CATSPERE: variants seen among roughly 807,000 people sequenced by gnomAD.
CATSPERE encodes the protein catsper channel auxiliary subunit epsilon, also known as cation channel sperm-associated auxiliary subunit epsilon.
A neutral mutation model predicts 114.1 loss-of-function variants in CATSPERE; 93 were observed. The observed-to-expected ratio is 0.81, with a 90% CI of 0.69 to 0.97. CATSPERE has a LOEUF of 0.97. CATSPERE is among the 50% of genes least tolerant of loss of function. The pLI, the probability that CATSPERE is intolerant of heterozygous loss-of-function variation, is 0.00. For missense variants in CATSPERE, 1,058 were observed against 1,131.6 expected, an observed-to-expected ratio of 0.93 and a Z score of 0.93; for synonymous variants, 341 against 384.1, an observed-to-expected ratio of 0.89 and a Z score of 1.31.
chr1:244,507,047 C>T (rs1255122295), intron 7 of CATSPERE, among the ~76,000 whole-genome samples: 2 of 152,136 alleles, frequency 1.3e-5, no homozygotes, highest in African/African-American at 2.4e-5. Flanking sequence ...AAATAATAGC[C>T]TCCAGTTCCA....
upstream of CATSPERE, among the ~76,000 whole-genome samples, chr1:244,458,424 A>G (rs1302045601): frequency 6.6e-6 from 1 of 151,916 alleles, no homozygotes; most frequent in East Asian, 1.9e-4. Flanking sequence ...ATCCACAGAC[A>G]TTTTGTCTTG....
chr1:244,476,959 T>C (rs1669453149), intron 2 of CATSPERE, among the ~76,000 whole-genome samples: 1 of 152,088 alleles, frequency 6.6e-6, no homozygotes, highest in Admixed American at 6.6e-5. Flanking sequence ...CCTACCAGAG[T>C]GTCAGTCCCT....
At chr1:244,526,637 G>A (rs1029780495) in intron 8 of CATSPERE, among the ~76,000 whole-genome samples, 2 of 149,456 alleles carry the variant, frequency 1.3e-5, no homozygotes, top group African/African-American at 5.0e-5. Context: ...CAATAGATTG[G>A]CTTAGTCTTT....
upstream of CATSPERE, among the ~76,000 whole-genome samples, chr1:244,458,370 T>C (rs1281609777): frequency 6.6e-6 from 1 of 151,962 alleles, no homozygotes; most frequent in East Asian, 1.9e-4. Flanking sequence ...GTAACCAAAA[T>C]TCCTAGTCAA....
rs138035524 is a variant in CATSPERE at position 244,560,800 on chromosome 1, A to C, written c.1162A>C (p.Thr388Pro). 9.3e-6 allele frequency: 15 copies of C among 1,613,840 alleles called. No individual in the cohort carries two copies. In the African/African-American group the frequency reaches 1.9e-4, roughly 20 times the overall value. ...CATCCTAAGTCTATCGGTGACTGCTACTCTGACCATAGACAGGGTTGAGTA... is the reference window on the plus strand; with the variant it reads ...CATCCTAAGTCTATCGGTGACTGCTCCTCTGACCATAGACAGGGTTGAGTA... Reference protein sequence around the residue: ...KNILSLSVTATLTIDRVEYTG... With the variant: ...KNILSLSVTAPLTIDRVEYTG... The change falls in exon 10 of 22, where the codon ACT becomes CCT. Residue 388 changes from threonine (T) to proline (P), a missense_variant. Thr to Pro is a conservative substitution (Grantham distance 38, BLOSUM62 -1). This residue lies in a region of CATSPERE where 787 missense variants were observed against 905.6 expected (regional missense o/e 0.87). Transcript: ENST00000366534.
At chr1:244,565,347 G>A (rs55927441) in intron 10 of CATSPERE, among the ~76,000 whole-genome samples, 16,078 of 152,140 alleles carry the variant, frequency 0.11, 923 homozygotes, top group South Asian at 0.15. Flanking sequence ...TTGTACCTCC[G>A]GTAGAATTTG....
At position 244,536,938 on chromosome 1, in the gene CATSPERE, T is replaced by G. The variant is rs1056394163; in HGVS notation, c.537-15384T>G. Among the ~76,000 whole-genome samples the G allele has an allele frequency of 2.2e-3, 10 of 4,622 alleles. No individual in the cohort carries two copies. In the Non-Finnish European group the frequency reaches 0.025, roughly 11 times the overall value. 3.0% of individuals were successfully genotyped at this position (4,622 alleles called of 152,430 possible). On this transcript the variant is annotated intron_variant, in intron 8 of 21. Transcript: ENST00000366534. ...ATAATTTTTATTAGTTCCAGGAGTT[T>G]TTTTTTTTTCTGTTCTTTAAGATTT...
At chr1:244,593,876 C>G (rs539176486) in intron 17 of CATSPERE, among the ~76,000 whole-genome samples, 2 of 152,296 alleles carry the variant, frequency 1.3e-5, no homozygotes, top group South Asian at 2.1e-4. Context: ...ACCAGCACCC[C>G]TGCCTATTTG....
intron 1 of CATSPERE, among the ~76,000 whole-genome samples, chr1:244,461,842 C>G (rs1666865826): frequency 6.6e-6 from 1 of 152,234 alleles, no homozygotes; most frequent in South Asian, 2.1e-4. Context: ...GAGACGGCCT[C>G]TTGCTCCGTT....
Position 244,615,295 on chromosome 1 carries a change from C to T in CATSPERE, c.2491-2234C>T, listed in dbSNP as rs116791848. ...CAAACATTGCTCTCAGGAACAGGTG[C>T]TACTGGAATTCTTTAATTAAAGTTA... On this transcript the variant is annotated intron_variant, in intron 19 of 21. Coordinates refer to ENST00000366534, the MANE Select transcript of CATSPERE (RefSeq NM_001130957.2). Among the ~76,000 whole-genome samples, 1,288 of 149,180 alleles carry T rather than the reference C, an allele frequency of 8.6e-3. 23 individuals are homozygous for T. The highest frequency in any genetic ancestry group is 0.027 in the African/African-American group (1,088 of 40,636).
At chr1:244,584,032 T>G in intron 13 of CATSPERE, 93 bp downstream of exon 13, 1 of 893,678 alleles carries the variant, frequency 1.1e-6, no homozygotes, top group Non-Finnish European at 1.8e-6. Flanking sequence ...GTACAATACC[T>G]CCATGCAATA....
At chr1:244,527,998 G>T (rs962026258) in intron 8 of CATSPERE, among the ~76,000 whole-genome samples, 1 of 152,184 alleles carries the variant, frequency 6.6e-6, no homozygotes, top group Non-Finnish European at 1.5e-5. Context: ...GATACAGCAA[G>T]TGTGTTACAT....
chr1:244,566,652 CTTTTTTTTTTTTTT>C (rs59466928), intron 10 of CATSPERE, among the ~76,000 whole-genome samples: 10 of 49,118 alleles, frequency 2.0e-4, no homozygotes, highest in South Asian at 6.6e-4. Flanking sequence ...GCAACCCCTG[CTTTTTTTTTTTTTT>C]TTTTTTTTTT....
intron 7 of CATSPERE, among the ~76,000 whole-genome samples, chr1:244,510,152 G>A (rs1441043069): frequency 6.6e-6 from 1 of 151,900 alleles, no homozygotes; most frequent in Non-Finnish European, 1.5e-5. Context: ...GGTTCCTTGA[G>A]GTGCATTAGG....
chr1:244,560,641 T>G, intron 9 of CATSPERE, 27 bp from the exon 10 acceptor site: 2 of 1,321,084 alleles, frequency 1.5e-6, no homozygotes, highest in Non-Finnish European at 2.0e-6. Context: ...TCGAAGATCT[T>G]TCTCATCATT....
chr1:244,583,686 A>T (rs1666582971), intron 12 of CATSPERE, among the ~76,000 whole-genome samples, 178 bp from the exon 13 acceptor site: 1 of 152,336 alleles, frequency 6.6e-6, no homozygotes, highest in African/African-American at 2.4e-5. Flanking sequence ...TAGCATGCAG[A>T]GCTGTCTTAG....
At chr1:244,457,577 AT>A (rs940291702), upstream of CATSPERE, 89 of 152,290 alleles carry the variant, frequency 5.8e-4, no homozygotes, top group African/African-American at 1.9e-3. Flanking sequence ...AAGGTAAGTC[AT>A]CTGTATCACA....
At position 244,498,809 on chromosome 1, in the gene CATSPERE, A is replaced by T. The variant is rs1169538762; in HGVS notation, c.352-193A>T. Among the ~76,000 whole-genome samples the T allele has an allele frequency of 2.4e-4, 36 of 152,116 alleles. 1 individual carries two copies. The highest frequency in any genetic ancestry group is 2.4e-3 in the Admixed American group (36 of 15,266). On this transcript the variant is annotated intron_variant, in intron 6 of 21. Coordinates refer to ENST00000366534, the MANE Select transcript of CATSPERE (RefSeq NM_001130957.2). ...GCTACTCGGGAGGCTGAGGCAGGAG[A>T]ATTGCTTGAACCCAGGAGGCAGAGG...
At chr1:244,457,668 C>T (rs980460940), upstream of CATSPERE, 7 of 152,100 alleles carry the variant, frequency 4.6e-5, no homozygotes, top group Admixed American at 1.3e-4. Context: ...ACCTGGGATT[C>T]TATTTTGTGA....
Sources: gnomAD v4.1 joint callset for allele counts (sites outside exome capture counted in the v4.1 genomes callset) on GRCh38, gnomAD v4.1.1 for gene constraint, gnomAD v4.1.1 regional missense constraint, MANE v1.5 for transcripts, NCBI Gene and HGNC (gene_info 2026-07-23, HGNC 2026-07-21) for gene names.